ULK4: variants seen among roughly 807,000 people sequenced by gnomAD.
ULK4 encodes the protein inactive serine/threonine-protein kinase ULK4.
ULK4 carries 133 observed loss-of-function variants against 160.6 expected under a neutral mutation model. The ratio of observed to expected loss-of-function variants is 0.83; its 90% CI spans 0.72 to 0.96. ULK4 has a LOEUF of 0.96. Among genes scored for constraint, ULK4 ranks in the 40% least tolerant of loss-of-function variants. The pLI is 0.00. For synonymous variants in ULK4, 534 were observed against 539.8 expected (o/e 0.99, Z 0.15); for missense variants, 1,580 against 1,499.5 (o/e 1.05, Z -0.89).
intron 34 of ULK4, among the ~76,000 whole-genome samples, chr3:41,441,966 T>G (rs2083180238): frequency 6.6e-6 from 1 of 152,232 alleles, no homozygotes; most frequent in Non-Finnish European, 1.5e-5. Context: ...CTTTGTCTAA[T>G]ATTTTAAAAT....
chr3:41,265,217 C>A (rs765770344), intron 35 of ULK4, among the ~76,000 whole-genome samples: 3 of 152,198 alleles, frequency 2.0e-5, no homozygotes, highest in Admixed American at 6.5e-5. Context: ...GGGGCCACGG[C>A]CAGCCAAAGT....
intron 19 of ULK4, among the ~76,000 whole-genome samples, chr3:41,807,643 A>G (rs1473613327): frequency 6.6e-6 from 1 of 152,228 alleles, no homozygotes; most frequent in Non-Finnish European, 1.5e-5. Context: ...GAAAAGTAGT[A>G]AATTCTCAAT....
chr3:41,659,120 C>T (rs1189770299), intron 30 of ULK4, among the ~76,000 whole-genome samples: 1 of 152,084 alleles, frequency 6.6e-6, no homozygotes, highest in Non-Finnish European at 1.5e-5. Flanking sequence ...TTATTTAAAG[C>T]TTACATGACA....
In ULK4 at chr3:41,341,860, C is replaced by A. The variant is rs571310255; in HGVS notation, c.3678+56219G>T. Among the ~76,000 whole-genome samples, 6 of 152,262 alleles carry A rather than the reference C, an allele frequency of 3.9e-5. No homozygotes were observed. In the East Asian group the frequency reaches 1.2e-3, roughly 29 times the overall value. ...TAGTCAAATGAATGGCAATAATATA[C>A]TTTAGAATTTCTAATATTAAGAAAT... On this transcript the variant is annotated intron_variant, in intron 35 of 36. Coordinates refer to ENST00000301831, the MANE Select transcript of ULK4 (RefSeq NM_017886.4).
At chr3:41,709,536 G>A (rs563354423) in intron 25 of ULK4, among the ~76,000 whole-genome samples, 15 of 152,110 alleles carry the variant, frequency 9.9e-5, no homozygotes, top group Admixed American at 2.0e-4. Context: ...ACAGGCGCGC[G>A]CCACCACGCC....
At chr3:41,850,529 T>C (rs888090682) in intron 17 of ULK4, among the ~76,000 whole-genome samples, 4 of 152,008 alleles carry the variant, frequency 2.6e-5, no homozygotes, top group African/African-American at 7.3e-5. Context: ...TGGTATCTCA[T>C]TGTGGTTTTC....
intron 32 of ULK4, among the ~76,000 whole-genome samples, chr3:41,491,837 C>G (rs138826490): frequency 0.096 from 14,473 of 150,844 alleles, 825 homozygotes; most frequent in Admixed American, 0.14. Context: ...CCCATTAACT[C>G]GTCATTTAGC....
chr3:41,839,246 A>G (rs2041843320), intron 17 of ULK4, among the ~76,000 whole-genome samples: 1 of 151,960 alleles, frequency 6.6e-6, no homozygotes. Flanking sequence ...AGGCCAAGGC[A>G]GGAGAATCAC....
intron 18 of ULK4, among the ~76,000 whole-genome samples, chr3:41,834,166 G>A (rs1311036707): frequency 6.6e-6 from 1 of 151,798 alleles, no homozygotes; most frequent in Non-Finnish European, 1.5e-5. Context: ...CAGTGTTCTA[G>A]GTTTGTGAAT....
intron 25 of ULK4, among the ~76,000 whole-genome samples, chr3:41,710,571 A>G (rs1429261183): frequency 1.3e-5 from 2 of 152,148 alleles, no homozygotes; most frequent in Non-Finnish European, 2.9e-5. Flanking sequence ...AGGCAGGCGG[A>G]TCACTTGAGG....
intron 30 of ULK4, among the ~76,000 whole-genome samples, chr3:41,625,533 A>G (rs1270212625): frequency 6.6e-6 from 1 of 152,196 alleles, no homozygotes; most frequent in African/African-American, 2.4e-5. Flanking sequence ...TCCGGTGCTC[A>G]GGCCTCGCAG....
chr3:41,376,184 A>C (rs1052242751), intron 35 of ULK4, among the ~76,000 whole-genome samples: 3 of 150,374 alleles, frequency 2.0e-5, no homozygotes, highest in Non-Finnish European at 1.5e-5. Flanking sequence ...GGGAGTGTAA[A>C]TTAGTTCAAC....
At chr3:41,486,966 A>G (rs1321000905) in intron 32 of ULK4, among the ~76,000 whole-genome samples, 1 of 152,218 alleles carries the variant, frequency 6.6e-6, no homozygotes, top group Non-Finnish European at 1.5e-5. Flanking sequence ...AATACCCGAA[A>G]CAAATCGTTA....
chr3:41,383,663 T>C (rs1559559019), intron 35 of ULK4, among the ~76,000 whole-genome samples: 1 of 152,132 alleles, frequency 6.6e-6, no homozygotes, highest in African/African-American at 2.4e-5. Flanking sequence ...TATTCAGGGA[T>C]TGAATAAATA....
intron 32 of ULK4, among the ~76,000 whole-genome samples, chr3:41,516,367 C>T (rs1187997243): frequency 1.3e-5 from 2 of 152,066 alleles, no homozygotes; most frequent in Admixed American, 6.5e-5. Flanking sequence ...GCTATTAAAA[C>T]CAAGTATCAA....
chr3:41,322,333 C>G (rs1289498438), intron 35 of ULK4, among the ~76,000 whole-genome samples: 4 of 152,012 alleles, frequency 2.6e-5, no homozygotes, highest in Non-Finnish European at 5.9e-5. Context: ...TGCCTGGCCT[C>G]TAAAGCTTTT....
At chr3:41,661,875 C>A (rs2035183508) in intron 30 of ULK4, among the ~76,000 whole-genome samples, 1 of 151,966 alleles carries the variant, frequency 6.6e-6, no homozygotes. Context: ...CTATAGAGGC[C>A]AAATAACTGT....
At chr3:41,730,441 T>C (rs2037785424) in intron 22 of ULK4, among the ~76,000 whole-genome samples, 1 of 152,068 alleles carries the variant, frequency 6.6e-6, no homozygotes. Context: ...AAAGTAGATA[T>C]TACAATGTAT....
chr3:41,722,114 A>G (rs1447715056), intron 22 of ULK4, among the ~76,000 whole-genome samples: 1 of 152,182 alleles, frequency 6.6e-6, no homozygotes, highest in Non-Finnish European at 1.5e-5. Context: ...GACTGCTGTG[A>G]GGATGTAAAT....
Sources: allele counts gnomAD v4.1 joint callset (sites outside exome capture counted in the v4.1 genomes callset), GRCh38; gene constraint gnomAD v4.1.1; transcripts MANE v1.5; gene names NCBI Gene and HGNC (gene_info 2026-07-23, HGNC 2026-07-21).